Variants in GABRB2 observed in about 807,000 individuals in gnomAD.
GABRB2 encodes gamma-aminobutyric acid type A receptor subunit beta2.
In GABRB2, 16 loss-of-function variants were observed where a neutral mutation model predicts 54.7. The observed-to-expected ratio is 0.29, with a 90% CI of 0.20 to 0.44. The LOEUF (loss-of-function observed/expected upper bound fraction) is 0.44, where lower values mean the gene tolerates loss of function less well. Ranked by LOEUF, GABRB2 falls within the 20% of genes least tolerant of loss-of-function variation. The probability of loss-of-function intolerance (pLI) is 1.00; values close to 1 mark genes in which losing one functional copy is unlikely to be tolerated. For synonymous variants in GABRB2, 244 were observed against 233.8 expected (o/e 1.04, Z -0.40); for missense variants, 355 against 644.0 (o/e 0.55, Z 4.86).
chr5:161,463,599 A>G (rs866485975), intron 3 of GABRB2, among the ~76,000 whole-genome samples: 4 of 111,862 alleles, frequency 3.6e-5, no homozygotes, highest in African/African-American at 9.7e-5. Context: ...ATATATATAT[A>G]TGAAAGAGAA....
At chr5:161,417,718 C>T (rs1756721112) in intron 4 of GABRB2, among the ~76,000 whole-genome samples, 1 of 152,126 alleles carries the variant, frequency 6.6e-6, no homozygotes, top group South Asian at 2.1e-4. Flanking sequence ...GATTAGCCCA[C>T]CCCAGACAAG....
At chr5:161,297,438 C>T (rs1324323054) in intron 9 of GABRB2, among the ~76,000 whole-genome samples, 1 of 152,086 alleles carries the variant, frequency 6.6e-6, no homozygotes, top group African/African-American at 2.4e-5. Flanking sequence ...CCCTAGTCCC[C>T]CACCCCCTGA....
chr5:161,511,843 GA>G (rs1401456615), intron 3 of GABRB2, among the ~76,000 whole-genome samples: 8 of 151,892 alleles, frequency 5.3e-5, no homozygotes, highest in Non-Finnish European at 1.0e-4. Flanking sequence ...TGGTCATACT[GA>G]ATTAGGAGCT....
At chr5:161,539,421 C>T (rs1349136249) in intron 3 of GABRB2, among the ~76,000 whole-genome samples, 2 of 152,134 alleles carry the variant, frequency 1.3e-5, no homozygotes, top group Admixed American at 1.3e-4. Context: ...CAACTGCATG[C>T]CATTTAGGAG....
At chr5:161,467,062 C>T (rs952404600) in intron 3 of GABRB2, among the ~76,000 whole-genome samples, 1 of 152,018 alleles carries the variant, frequency 6.6e-6, no homozygotes, top group Non-Finnish European at 1.5e-5. Flanking sequence ...AGTTTATTTT[C>T]ATCAGTGATA....
intron 3 of GABRB2, among the ~76,000 whole-genome samples, chr5:161,473,015 CTAAA>C (rs1371203326): frequency 1.3e-5 from 2 of 151,818 alleles, no homozygotes; most frequent in Non-Finnish European, 2.9e-5. Context: ...ATTTCAGATT[CTAAA>C]TAATTAGCAA....
intron 3 of GABRB2, among the ~76,000 whole-genome samples, chr5:161,514,718 C>T (rs888512593): frequency 6.6e-6 from 1 of 152,096 alleles, no homozygotes; most frequent in Non-Finnish European, 1.5e-5. Flanking sequence ...CACTTAGATT[C>T]ATGGCTATGA....
intron 9 of GABRB2, among the ~76,000 whole-genome samples, chr5:161,303,816 T>C (rs910557446): frequency 6.6e-6 from 1 of 152,106 alleles, no homozygotes; most frequent in African/African-American, 2.4e-5. Context: ...CAGGTTCTAA[T>C]CCCATGTTAC....
In GABRB2 at chr5:161,428,083, A is replaced by T. The variant is rs1369618446; in HGVS notation, c.459-17026T>A. ...GACTCTGTTTTCCTGAGAGGAAAAAAAGATCGTCTAATAATTACCAAATGT... is the reference window on the plus strand; with the variant it reads ...GACTCTGTTTTCCTGAGAGGAAAAATAGATCGTCTAATAATTACCAAATGT... On this transcript the variant is annotated intron_variant, in intron 4 of 9. Transcript: ENST00000393959. 5.3e-5 allele frequency among the ~76,000 whole-genome samples: 8 copies of T among 152,252 alleles called. No individual in the cohort carries two copies. In the East Asian group the frequency reaches 1.5e-3, roughly 29 times the overall value.
intron 3 of GABRB2, among the ~76,000 whole-genome samples, chr5:161,473,119 C>G (rs1758495107): frequency 6.6e-6 from 1 of 151,904 alleles, no homozygotes; most frequent in Non-Finnish European, 1.5e-5. Context: ...TTAGATGGCT[C>G]TGTAATTTGT....
intron 5 of GABRB2, among the ~76,000 whole-genome samples, chr5:161,381,787 A>G (rs1027144073): frequency 3.3e-5 from 5 of 152,166 alleles, no homozygotes; most frequent in Admixed American, 6.6e-5. Flanking sequence ...AGTCTCTGCT[A>G]TCTTTTAGCT....
chr5:161,454,966 G>A (rs938160766), intron 4 of GABRB2, among the ~76,000 whole-genome samples: 28 of 152,228 alleles, frequency 1.8e-4, no homozygotes, highest in South Asian at 6.2e-4. Flanking sequence ...TGCTGCAATC[G>A]TGTGCTTTTA....
chr5:161,398,627 G>C (rs1163770173), intron 5 of GABRB2, among the ~76,000 whole-genome samples: 2 of 151,878 alleles, frequency 1.3e-5, no homozygotes, highest in African/African-American at 2.4e-5. Flanking sequence ...GCCATCCTTA[G>C]GCTGGACTTT....
chr5:161,407,253 GGC>G, intron 5 of GABRB2, among the ~76,000 whole-genome samples: 1 of 152,090 alleles, frequency 6.6e-6, no homozygotes, highest in East Asian at 1.9e-4. Flanking sequence ...TAGCTGAGCT[GGC>G]ACAGAATACA....
chr5:161,426,092 A>T (rs4289595), intron 4 of GABRB2, among the ~76,000 whole-genome samples: 67,811 of 151,940 alleles, frequency 0.45, 17,076 homozygotes, highest in African/African-American at 0.7. Context: ...GCACAGTGTT[A>T]GGTAAAGGAA....
chr5:161,438,026 T>C (rs1757359720), intron 4 of GABRB2, among the ~76,000 whole-genome samples: 1 of 152,134 alleles, frequency 6.6e-6, no homozygotes. Context: ...TTGCTGATTG[T>C]AGAGGGTTAG....
intron 5 of GABRB2, among the ~76,000 whole-genome samples, chr5:161,337,300 CAGAAG>C (rs1218258617): frequency 2.0e-5 from 3 of 152,104 alleles, no homozygotes; most frequent in Non-Finnish European, 2.9e-5. Context: ...AATTTCAAGT[CAGAAG>C]AGAAGTGATT....
At chr5:161,405,653 A>C (rs115361435) in intron 5 of GABRB2, among the ~76,000 whole-genome samples, 6 of 152,062 alleles carry the variant, frequency 3.9e-5, no homozygotes, top group African/African-American at 1.4e-4. Flanking sequence ...CTAAGGTGCT[A>C]TCGACGTTTA....
At chr5:161,387,416 G>A (rs1441357089) in intron 5 of GABRB2, among the ~76,000 whole-genome samples, 1 of 152,134 alleles carries the variant, frequency 6.6e-6, no homozygotes, top group Admixed American at 6.6e-5. Flanking sequence ...CTTCTCTGCT[G>A]AGAATATATC....
Sources: gnomAD v4.1 joint callset for allele counts (sites outside exome capture counted in the v4.1 genomes callset) on GRCh38, gnomAD v4.1.1 for gene constraint, MANE v1.5 for transcripts, NCBI Gene and HGNC (gene_info 2026-07-23, HGNC 2026-07-21) for gene names.